HCFC2: variants seen among roughly 807,000 people sequenced by gnomAD.
HCFC2 encodes the protein host cell factor 2.
HCFC2 carries 18 observed loss-of-function variants against 89.2 expected under a neutral mutation model. The observed-to-expected ratio is 0.20, with a 90% CI of 0.14 to 0.30. The LOEUF (loss-of-function observed/expected upper bound fraction) is 0.30. Ranked by LOEUF, HCFC2 falls within the 10% of genes least tolerant of loss-of-function variation. The pLI, the probability that HCFC2 is intolerant of heterozygous loss-of-function variation, is 1.00. For missense variants in HCFC2, 578 were observed against 956.1 expected, an observed-to-expected ratio of 0.60 and a Z score of 5.21; for synonymous variants, 308 against 335.7, an observed-to-expected ratio of 0.92 and a Z score of 0.90.
Position 104,095,335 on chromosome 12 carries a change from A to C in HCFC2, c.1463-25A>C, listed in dbSNP as rs750831505. 1.3e-6 allele frequency: 2 copies of C among 1,536,384 alleles called. No individual in the cohort carries two copies. Among genetic ancestry groups the C allele is most frequent in the South Asian group, 1.1e-5 (1 of 89,012 alleles). On this transcript the variant is annotated intron_variant, in intron 10 of 14. Transcript: ENST00000229330. This position sits in a 1 kb window ranked among gnomAD's most constrained non-coding sequence, Gnocchi z 4.2. ...AATTATCTGCAGATATCATATTAAT[A>C]ATTACCTTTTCCCTTTTATTTTAGG...
At chr12:104,076,074 C>T (rs1883485846) in intron 3 of HCFC2, among the ~76,000 whole-genome samples, 1 of 152,134 alleles carries the variant, frequency 6.6e-6, no homozygotes, top group Non-Finnish European at 1.5e-5. Context: ...TTTGTGATTC[C>T]ATAGGTGCTC....
rs747780119 is a variant in HCFC2 at position 104,095,373 on chromosome 12, A to C, written c.1476A>C (p.Ser492=). The C allele has an allele frequency of 5.0e-6, 8 of 1,612,668 alleles. No individual in the cohort carries two copies. Among genetic ancestry groups the C allele is most frequent in the Non-Finnish European group, 6.8e-6 (8 of 1,178,996 alleles). The stretch of plus-strand genomic sequence containing the variant: ...CTTTTATTTTAGGTCCTCACACTTC[A>C]GCAAATGTAGGTGTTCTAAGTAGTT... ...MLRKNEGPHT[S]ANVGVLSSCL... The change falls in exon 11 of 15, where the codon TCA becomes TCC. Residue 492 remains serine (S), a synonymous_variant. Coordinates refer to ENST00000229330, the MANE Select transcript of HCFC2 (RefSeq NM_013320.3). This position sits in a 1 kb window ranked among gnomAD's most constrained non-coding sequence, Gnocchi z 4.2.
chr12:104,098,248 A>G (rs1433009864), intron 12 of HCFC2, 95 bp from the exon 13 acceptor site: 4 of 901,968 alleles, frequency 4.4e-6, no homozygotes, highest in Admixed American at 2.8e-5. Context: ...TTATCCAAAT[A>G]CCTACTTGTA....
At chr12:104,093,316 CTTGT>C (rs1884078717) in intron 9 of HCFC2, 66 bp from the exon 10 acceptor site, 3 of 1,040,546 alleles carry the variant, frequency 2.9e-6, no homozygotes, top group Non-Finnish European at 4.0e-6. Flanking sequence ...ACTTATTTTG[CTTGT>C]TTTTTACATG....
chr12:104,101,227 T>C (rs1335979056), intron 13 of HCFC2, among the ~76,000 whole-genome samples: 1 of 152,250 alleles, frequency 6.6e-6, no homozygotes, highest in Non-Finnish European at 1.5e-5. Context: ...CTCACGCCTG[T>C]AATCCCAGCA....
At position 104,103,001 on chromosome 12, in the gene HCFC2, C is replaced by A; in HGVS notation, c.2107C>A (p.Pro703Thr). 2 of 1,612,536 alleles carry A rather than the reference C, an allele frequency of 1.2e-6. No homozygotes were observed. Among genetic ancestry groups the A allele is most frequent in the Non-Finnish European group, 8.5e-7 (1 of 1,178,978 alleles). Residue 703 changes from proline to threonine, a missense_variant, in exon 15 of 15, where the codon CCT (proline) becomes ACT (threonine). Physicochemically the swap from Pro to Thr is conservative, Grantham distance 38. Coordinates refer to ENST00000229330, the MANE Select transcript of HCFC2 (RefSeq NM_013320.3). ...IHLSWEPPTS[P>T]SGNILEYSAY... is the part of the protein sequence containing the mutation. ...CCTTTCCTGGGAACCTCCAACCTCA[C>A]CTTCTGGAAATATTTTGGAATATTC...
intron 3 of HCFC2, among the ~76,000 whole-genome samples, chr12:104,071,701 C>T (rs1186933735): frequency 2.6e-5 from 4 of 152,246 alleles, no homozygotes; most frequent in Admixed American, 6.5e-5. Flanking sequence ...GATCCTCCCA[C>T]CTCAACCTGT....
intron 4 of HCFC2, among the ~76,000 whole-genome samples, 174 bp downstream of exon 4, chr12:104,079,827 G>T (rs1489054289): frequency 5.3e-5 from 8 of 152,202 alleles, no homozygotes; most frequent in African/African-American, 1.7e-4. Context: ...TTGAGAAAAT[G>T]AATGTTTGGT....
chr12:104,075,873 G>A (rs563894753), intron 3 of HCFC2, among the ~76,000 whole-genome samples: 68 of 152,092 alleles, frequency 4.5e-4, no homozygotes, highest in African/African-American at 1.6e-3. Context: ...TTGGCCGTAT[G>A]CCGTAGGGTT....
At chr12:104,087,320 C>T (rs1464792043) in intron 8 of HCFC2, among the ~76,000 whole-genome samples, 1 of 146,768 alleles carries the variant, frequency 6.8e-6, no homozygotes, top group East Asian at 2.0e-4. Flanking sequence ...TGCCACTGCA[C>T]TCCAGCCTGG....
chr12:104,082,059 C>T (rs1157219024), intron 5 of HCFC2, among the ~76,000 whole-genome samples: 1 of 152,082 alleles, frequency 6.6e-6, no homozygotes, highest in African/African-American at 2.4e-5. Flanking sequence ...CCTAAAGGAA[C>T]ACAGTTTAAA....
chr12:104,071,126 A>T (rs909305948), intron 3 of HCFC2, among the ~76,000 whole-genome samples: 1 of 152,142 alleles, frequency 6.6e-6, no homozygotes, highest in African/African-American at 2.4e-5. Flanking sequence ...CTTTCAACAC[A>T]TGTCTTTTAA....
rs1019889572 is a variant in HCFC2, at chr12:104,068,420, G to A, written c.473+313G>A. 4.6e-5 allele frequency among the ~76,000 whole-genome samples: 7 copies of A among 152,180 alleles called. No homozygotes were observed. Among genetic ancestry groups the A allele is most frequent in the South Asian group, 4.2e-4 (2 of 4,816 alleles). On this transcript the variant is annotated intron_variant, in intron 3 of 14. Coordinates refer to ENST00000229330, the MANE Select transcript of HCFC2 (RefSeq NM_013320.3). The surrounding 1 kb of genome is among the most constrained non-coding windows in gnomAD (Gnocchi z 4.1). ...ATATTTGTATATATTGAGCCATAAT[G>A]CATTTTAGCTGCCTCATAAATGATA...
intron 10 of HCFC2, among the ~76,000 whole-genome samples, chr12:104,094,273 A>G (rs1466141735): frequency 2.0e-5 from 3 of 152,190 alleles, no homozygotes; most frequent in African/African-American, 7.2e-5. Context: ...GAGTATTTAA[A>G]TGTAATCTCC....
chr12:104,083,539 C>T (rs1379880247), intron 7 of HCFC2, among the ~76,000 whole-genome samples: 1 of 152,148 alleles, frequency 6.6e-6, no homozygotes, highest in Non-Finnish European at 1.5e-5. Context: ...AATTGAAAAA[C>T]TGGTGAAATC....
At chr12:104,072,132 G>A (rs1566225587) in intron 3 of HCFC2, among the ~76,000 whole-genome samples, 1 of 152,110 alleles carries the variant, frequency 6.6e-6, no homozygotes, top group African/African-American at 2.4e-5. Flanking sequence ...CAGTACTTTG[G>A]GAGGCTGAGG....
Position 104,064,614 on chromosome 12 carries a change from G to T in HCFC2, c.54G>T (p.Pro18=), listed in dbSNP as rs139326943. 21 of 1,576,898 alleles carry T rather than the reference G, an allele frequency of 1.3e-5. No homozygotes were observed. The highest frequency in any genetic ancestry group is 1.7e-5 in the Non-Finnish European group (20 of 1,163,956). The change falls in exon 1 of 15, where the codon CCG becomes CCT. Residue 18 remains proline (P), a synonymous_variant. Coordinates refer to ENST00000229330, the MANE Select transcript of HCFC2 (RefSeq NM_013320.3). This position sits in a 1 kb window ranked among gnomAD's most constrained non-coding sequence, Gnocchi z 7.3. ...GGCGAGTTTCTTCCTTCACGGGGCCGGTCCCCCGCGCCCGGCACGGACACC... is the reference window on the plus strand; with the variant it reads ...GGCGAGTTTCTTCCTTCACGGGGCCTGTCCCCCGCGCCCGGCACGGACACC... ...NWRRVSSFTG[P]VPRARHGHRA...
At chr12:104,065,031 A>C (rs1265464166) in intron 1 of HCFC2, 1 of 284,396 alleles carries the variant, frequency 3.5e-6, no homozygotes, top group Non-Finnish European at 6.5e-6. Context: ...ACCATGTCCA[A>C]CCGCCTGGGC....
In HCFC2 at chr12:104,098,575, GA is replaced by G. The variant is rs527625329; in HGVS notation, c.1878+97del. On this transcript the variant is annotated intron_variant, in intron 13 of 14. Coordinates refer to ENST00000229330, the MANE Select transcript of HCFC2 (RefSeq NM_013320.3). ...CTTAGGGAAAGGAAAAAAAAATTAA[GA>G]ATGAGATTTCTTTTTTAGAACCCTG... 498 of 1,271,252 alleles carry G rather than the reference GA, an allele frequency of 3.9e-4. 1 individual carries two copies. The African/African-American group carries it at 7.1e-3, about 18-fold the overall frequency. 78.7% of individuals were successfully genotyped at this position (1,271,252 alleles called of 1,614,324 possible). A position where few individuals can be genotyped will look rare whatever the true frequency, so the allele number is the denominator to read the frequency against.
Sources: gnomAD v4.1 joint callset for allele counts (sites outside exome capture counted in the v4.1 genomes callset) on GRCh38, gnomAD v4.1.1 for gene constraint, Gnocchi (gnomAD v3.1) non-coding constraint, MANE v1.5 for transcripts, NCBI Gene and HGNC (gene_info 2026-07-23, HGNC 2026-07-21) for gene names.